The following RABGAP1L variants were observed in gnomAD, a reference collection of about 807,000 sequenced individuals.
RABGAP1L encodes the protein rab GTPase-activating protein 1-like.
Under a neutral mutation model 137.7 loss-of-function variants are expected in RABGAP1L, and 63 were observed. The observed-to-expected ratio is 0.46, with a 90% CI of 0.37 to 0.56. RABGAP1L has a LOEUF of 0.56. Ranked by LOEUF, RABGAP1L falls within the 20% of genes least tolerant of loss-of-function variation. The pLI is 0.00. For missense variants in RABGAP1L, 1,095 were observed against 1,244.0 expected, an observed-to-expected ratio of 0.88 and a Z score of 1.80; for synonymous variants, 431 against 433.7, an observed-to-expected ratio of 0.99 and a Z score of 0.08.
chr1:174,909,027 C>T (rs1246052313), intron 19 of RABGAP1L, among the ~76,000 whole-genome samples: 2 of 149,978 alleles, frequency 1.3e-5, no homozygotes, highest in African/African-American at 4.9e-5. Context: ...CAAAAAAAAA[C>T]CATTAACCAG....
intron 13 of RABGAP1L, among the ~76,000 whole-genome samples, chr1:174,558,368 A>C (rs1413031591): frequency 6.6e-6 from 1 of 152,258 alleles, no homozygotes; most frequent in African/African-American, 2.4e-5. Context: ...GTAAGTTATA[A>C]TTGCCATTGA....
intron 19 of RABGAP1L, among the ~76,000 whole-genome samples, chr1:174,951,031 CTG>C (rs1288236197): frequency 6.6e-6 from 1 of 152,208 alleles, no homozygotes; most frequent in African/African-American, 2.4e-5. Flanking sequence ...GAGAAATGCT[CTG>C]TGTTTTAACT....
At chr1:174,814,586 G>C (rs566906777) in intron 19 of RABGAP1L, among the ~76,000 whole-genome samples, 45 of 152,170 alleles carry the variant, frequency 3.0e-4, no homozygotes, top group African/African-American at 1.1e-3. Context: ...TATTTTGGTT[G>C]CTTTTATGTC....
At chr1:174,172,940 C>T (rs913309075) in intron 1 of RABGAP1L, among the ~76,000 whole-genome samples, 1 of 151,990 alleles carries the variant, frequency 6.6e-6, no homozygotes, top group Non-Finnish European at 1.5e-5. Context: ...CGAACAATAT[C>T]AGGGAGCTTT....
intron 13 of RABGAP1L, among the ~76,000 whole-genome samples, chr1:174,414,253 T>TA (rs920377712): frequency 1.3e-5 from 2 of 152,012 alleles, no homozygotes; most frequent in Admixed American, 6.6e-5. Flanking sequence ...ATACAGTTTT[T>TA]AAAAAAAATC....
intron 19 of RABGAP1L, among the ~76,000 whole-genome samples, chr1:174,848,486 A>G (rs1428841679): frequency 1.1e-4 from 17 of 148,060 alleles, no homozygotes; most frequent in Non-Finnish European, 2.2e-4. Flanking sequence ...AATACCCTGC[A>G]GTGTGAGGTG....
chr1:174,783,453 GC>G (rs1687187073), intron 18 of RABGAP1L, among the ~76,000 whole-genome samples: 1 of 152,114 alleles, frequency 6.6e-6, no homozygotes, highest in East Asian at 1.9e-4. Context: ...TGCCCCCGCC[GC>G]CCGTAACAGT....
intron 7 of RABGAP1L, among the ~76,000 whole-genome samples, chr1:174,262,921 G>A (rs1673720151): frequency 6.6e-6 from 1 of 152,210 alleles, no homozygotes; most frequent in Admixed American, 6.5e-5. Context: ...TTTCTGATGT[G>A]TTACATTTAT....
intron 14 of RABGAP1L, among the ~76,000 whole-genome samples, chr1:174,664,734 CTTTTTTTTT>C (rs71701825): frequency 2.0e-5 from 2 of 97,580 alleles, no homozygotes; most frequent in Non-Finnish European, 3.6e-5. Flanking sequence ...TTTCTGCTTT[CTTTTTTTTT>C]TTTTTTTTTT....
intron 1 of RABGAP1L, among the ~76,000 whole-genome samples, chr1:174,178,557 C>G (rs755381359): frequency 7.8e-4 from 119 of 152,080 alleles, no homozygotes; most frequent in Non-Finnish European, 1.5e-3. Flanking sequence ...GCACTATTTA[C>G]AATAGCAAAG....
intron 4 of RABGAP1L, among the ~76,000 whole-genome samples, chr1:174,233,913 C>A (rs1286879949): frequency 3.5e-5 from 4 of 114,372 alleles, no homozygotes; most frequent in Admixed American, 8.7e-5. Flanking sequence ...TTCTCCACAT[C>A]CTCTCCAGCA....
chr1:174,426,119 A>C (rs1193743334), intron 13 of RABGAP1L, among the ~76,000 whole-genome samples: 4 of 152,036 alleles, frequency 2.6e-5, no homozygotes, highest in East Asian at 1.9e-4. Context: ...AACACCACCA[A>C]CAATTTTGTT....
chr1:174,706,897 T>C (rs1481629237), intron 17 of RABGAP1L, among the ~76,000 whole-genome samples: 1 of 152,226 alleles, frequency 6.6e-6, no homozygotes, highest in African/African-American at 2.4e-5. Flanking sequence ...TTCATCCGTA[T>C]CATTGCATTT....
rs560758595 is a variant in RABGAP1L at position 174,799,409 on chromosome 1, G to A, written c.2212-12423G>A. On this transcript the variant is annotated intron_variant, in intron 18 of 25. Coordinates refer to ENST00000681986, the MANE Select transcript of RABGAP1L (RefSeq NM_001366446.1). ...GGTTTCAGTCATCTAATAAGGATTG[G>A]AACATCCCACTTTAAATCCAAGTAT... Among the ~76,000 whole-genome samples the A allele has an allele frequency of 3.3e-5, 5 of 152,194 alleles. No individual in the cohort carries two copies. In the South Asian group the frequency reaches 1.0e-3, roughly 32 times the overall value.
chr1:174,205,227 G>A (rs187673729), intron 1 of RABGAP1L, among the ~76,000 whole-genome samples: 7 of 152,218 alleles, frequency 4.6e-5, no homozygotes, highest in South Asian at 4.2e-4. Context: ...GGATTTTTGC[G>A]TTGATGTTCA....
At chr1:174,459,107 T>A (rs1332932645) in intron 13 of RABGAP1L, among the ~76,000 whole-genome samples, 5 of 152,100 alleles carry the variant, frequency 3.3e-5, no homozygotes, top group African/African-American at 1.2e-4. Context: ...GAGTTTTATG[T>A]TTTTTGTCAT....
chr1:174,307,312 A>C (rs995924592), intron 11 of RABGAP1L, among the ~76,000 whole-genome samples: 1 of 152,124 alleles, frequency 6.6e-6, no homozygotes, highest in Non-Finnish European at 1.5e-5. Context: ...TTCACATAAC[A>C]TGAAAATAAC....
rs1054958467 is a variant in RABGAP1L at position 174,252,717 on chromosome 1, A to T, written c.986+127A>T. ...CAATTAAAAATGAGGATAATTAATA[A>T]TACTTTCTCTACTTTAACTTAGATG... On this transcript the variant is annotated intron_variant, in intron 7 of 25. Coordinates refer to ENST00000681986, the MANE Select transcript of RABGAP1L (RefSeq NM_001366446.1). 10 of 1,370,264 alleles carry T rather than the reference A, an allele frequency of 7.3e-6. No individual in the cohort carries two copies. In the Admixed American group the frequency reaches 3.6e-4, roughly 50 times the overall value. 84.9% of individuals were successfully genotyped at this position (1,370,264 alleles called of 1,614,324 possible). A position where few individuals can be genotyped will look rare whatever the true frequency, so the allele number is the denominator to read the frequency against.
intron 13 of RABGAP1L, among the ~76,000 whole-genome samples, chr1:174,462,913 A>T (rs1048877463): frequency 1.3e-5 from 2 of 152,150 alleles, no homozygotes; most frequent in Non-Finnish European, 2.9e-5. Flanking sequence ...ATGAAAAAAT[A>T]CTCACCATCA....
Sources: allele counts gnomAD v4.1 joint callset (sites outside exome capture counted in the v4.1 genomes callset), GRCh38; gene constraint gnomAD v4.1.1; transcripts MANE v1.5; gene names NCBI Gene and HGNC (gene_info 2026-07-23, HGNC 2026-07-21).